Variants in LRRC75B observed in about 807,000 individuals in gnomAD.
LRRC75B encodes leucine-rich repeat-containing protein 75B.
A neutral mutation model predicts 16.5 loss-of-function variants in LRRC75B; 20 were observed. The ratio of observed to expected loss-of-function variants is 1.21; its 90% CI spans 0.85 to 1.76. The LOEUF (loss-of-function observed/expected upper bound fraction) is 1.76. Among genes scored for constraint, LRRC75B ranks in the 40% most tolerant of loss-of-function variants. LRRC75B has a pLI of 0.00. For missense variants in LRRC75B, 406 were observed against 417.0 expected (o/e 0.97, Z 0.23); for synonymous variants, 199 against 198.1 (o/e 1.00, Z -0.04).
chr22:24,587,360 T>C (rs1049264620), intron 3 of LRRC75B, among the ~76,000 whole-genome samples: 3 of 152,104 alleles, frequency 2.0e-5, no homozygotes, highest in African/African-American at 7.2e-5. Context: ...ACCAACCCTC[T>C]AGGTCTCTCC....
rs1380231150 is a variant in LRRC75B, at chr22:24,592,956, G to A, written c.84C>T (p.Tyr28=). Residue 28 remains tyrosine (Y), a synonymous_variant, in exon 1 of 4, where the codon TAC becomes TAT. Transcript: ENST00000318753. ...CGCGGAGCCACCGCACCCGGCGCTC[G>A]TAGGGCGCGGGCCCGCAGCCGGCCG... ...GAAAGCGPAP[Y]ERRVRWLREI... is the part of the protein sequence containing the mutation. 1.7e-6 allele frequency: 2 copies of A among 1,205,534 alleles called. No homozygotes were observed. Among genetic ancestry groups the A allele is most frequent in the Non-Finnish European group, 2.1e-6 (2 of 968,944 alleles). The allele number at this position is 1,205,534 out of a possible 1,614,324, so 74.7% of individuals were successfully genotyped here.
In LRRC75B at chr22:24,592,899, C is replaced by A; in HGVS notation, c.141G>T (p.Pro47=). ...EIQSTLRERR[P]ERARQLLRLL... ...GGCGCAGCAGCTGCCGGGCGCGCTC[C>A]GGCCGCCGCTCGCGGAGCGTGGACT... Residue 47 remains proline (P), a synonymous_variant, in exon 1 of 4, where the codon CCG becomes CCT. Transcript: ENST00000318753. The A allele has an allele frequency of 7.8e-7, 1 of 1,280,074 alleles. No homozygotes were observed. The allele number at this position is 1,280,074 out of a possible 1,614,324, so 79.3% of individuals were successfully genotyped here.
intron 2 of LRRC75B, chr22:24,588,708 T>C (rs2045478257): frequency 9.3e-7 from 1 of 1,078,044 alleles, no homozygotes; most frequent in South Asian, 3.0e-5. Flanking sequence ...ACCAGGCCCC[T>C]CGAGGGAGCC....
At chr22:24,591,529 GCC>G (rs2045567646) in intron 1 of LRRC75B, among the ~76,000 whole-genome samples, 1 of 152,214 alleles carries the variant, frequency 6.6e-6, no homozygotes, top group Non-Finnish European at 1.5e-5. Context: ...GGCAGGGGAG[GCC>G]GTGGGTCACA....
Position 24,586,166 on chromosome 22 carries a change from GC to G in LRRC75B, c.667del (p.Ala223ProfsTer45), listed in dbSNP as rs2045386233. 6.2e-7 allele frequency: 1 copy of G among 1,613,360 alleles called. No homozygotes were observed. Among genetic ancestry groups the G allele is most frequent in the South Asian group, 1.1e-5 (1 of 91,094 alleles). On this transcript the variant is annotated frameshift_variant, in exon 4 of 4. Coordinates refer to ENST00000318753, the MANE Select transcript of LRRC75B (RefSeq NM_207644.3). LOFTEE classifies it low-confidence loss of function (END_TRUNC). The stretch of plus-strand genomic sequence containing the variant: ...GGCATCAGTGAGCTTGCGGGCAGTG[GC>G]CCGCGTCAGTCGGTTGCCGTTGAGC... ...LLLNGNRLTR[A>X]TARKLTDAIK...
At position 24,592,818 on chromosome 22, in the gene LRRC75B, C is replaced by A. The variant is rs2045612986; in HGVS notation, c.177+45G>T. The A allele has an allele frequency of 4.8e-6, 6 of 1,262,466 alleles. No homozygotes were observed. The South Asian group carries it at 1.4e-4, about 29-fold the overall frequency. The allele number at this position is 1,262,466 out of a possible 1,614,324, so 78.2% of individuals were successfully genotyped here. A position where few individuals can be genotyped will look rare whatever the true frequency, so the allele number is the denominator to read the frequency against. On this transcript the variant is annotated intron_variant, in intron 1 of 3. Transcript: ENST00000318753. ...CCTCCCAGACCCCCAGACCCCCAGA[C>A]CCTCCCTGGCCGCCAGCCCAGGGGC...
intron 2 of LRRC75B, chr22:24,588,871 T>G: frequency 9.9e-7 from 1 of 1,005,890 alleles, no homozygotes; most frequent in Non-Finnish European, 1.2e-6. Flanking sequence ...ACCACCTGGC[T>G]CTCTCTCAGT....
At chr22:24,588,699 C>T (rs1484344013) in intron 2 of LRRC75B, 7 of 1,090,328 alleles carry the variant, frequency 6.4e-6, no homozygotes, top group Non-Finnish European at 7.9e-6. Context: ...GGAGGCCAGA[C>T]CAGGCCCCTC....
Position 24,586,170 on chromosome 22 carries a change from G to A in LRRC75B, c.664C>T (p.Arg222Trp), listed in dbSNP as rs749128361. The change falls in exon 4 of 4, where the codon CGG (arginine) becomes TGG (tryptophan). Residue 222 changes from arginine (R) to tryptophan (W), a missense_variant. Physicochemically the swap from Arg to Trp is moderately radical, Grantham distance 101. Transcript: ENST00000318753. Reference sequence around the variant, plus strand: ...TCAGTGAGCTTGCGGGCAGTGGCCCGCGTCAGTCGGTTGCCGTTGAGCAGG... The same window carrying A: ...TCAGTGAGCTTGCGGGCAGTGGCCCACGTCAGTCGGTTGCCGTTGAGCAGG... ...QLLLNGNRLT[R>W]ATARKLTDAI... is the part of the protein sequence containing the mutation. 17 of 1,613,478 alleles carry A rather than the reference G, an allele frequency of 1.1e-5. No homozygotes were observed. The Admixed American group carries it at 1.5e-4, about 14-fold the overall frequency.
In LRRC75B at chr22:24,586,350, G is replaced by T. The variant is rs1219974000; in HGVS notation, c.484C>A (p.Pro162Thr). ...TGTTGCACGTCCTGTGTCGACAGCG[G>T]GATGCCTGAGAGGTCCACAGTCTCC... is the stretch of plus-strand genomic sequence containing the variant. ...AGETVDLSGI[P>T]LSTQDVQHIT... Residue 162 changes from proline (P) to threonine (T), a missense_variant, in exon 4 of 4, where the codon CCG (proline) becomes ACG (threonine). By Grantham distance (38) the Pro-to-Thr change is conservative. Transcript: ENST00000318753. 6.2e-7 allele frequency: 1 copy of T among 1,613,908 alleles called. No individual in the cohort carries two copies. Among genetic ancestry groups the T allele is most frequent in the Non-Finnish European group, 8.5e-7 (1 of 1,180,036 alleles).
intron 3 of LRRC75B, among the ~76,000 whole-genome samples, chr22:24,587,921 G>T (rs938912854): frequency 6.6e-6 from 1 of 152,174 alleles, no homozygotes; most frequent in Admixed American, 6.5e-5. Context: ...GGGTGGAGGG[G>T]TGGGGTGTCC....
At chr22:24,586,542 A>C in intron 3 of LRRC75B, 131 bp from the exon 4 acceptor site, 1 of 1,033,778 alleles carries the variant, frequency 9.7e-7, no homozygotes. Flanking sequence ...TGTCTTTCGT[A>C]TTTTTTGAGA....
At chr22:24,588,090 G>T in intron 3 of LRRC75B, 124 bp downstream of exon 3, 1 of 739,050 alleles carries the variant, frequency 1.4e-6, no homozygotes, top group Non-Finnish European at 2.3e-6. Flanking sequence ...GCCCTCATGC[G>T]GACCAGGTGA....
At chr22:24,592,753 G>C in intron 1 of LRRC75B, 110 bp downstream of exon 1, 4 of 1,277,544 alleles carry the variant, frequency 3.1e-6, no homozygotes, top group Non-Finnish European at 4.0e-6. Context: ...GCTCCGCCTC[G>C]CCTCCCGGCG....
chr22:24,589,380 T>C, intron 2 of LRRC75B: 1 of 1,115,860 alleles, frequency 9.0e-7, no homozygotes, highest in Non-Finnish European at 1.1e-6. Context: ...AGGGTGTCTG[T>C]ACAGGATGGA....
At chr22:24,589,127 G>T in intron 2 of LRRC75B, 2 of 1,128,102 alleles carry the variant, frequency 1.8e-6, no homozygotes, top group Non-Finnish European at 2.2e-6. Flanking sequence ...GGCCCAGAGC[G>T]GATACCCTGG....
In LRRC75B at chr22:24,592,914, G is replaced by C; in HGVS notation, c.126C>G (p.Leu42=). The C allele has an allele frequency of 7.8e-7, 1 of 1,277,222 alleles. No homozygotes were observed. The highest frequency in any genetic ancestry group is 9.9e-7 in the Non-Finnish European group (1 of 1,010,982). 79.1% of individuals were successfully genotyped at this position (1,277,222 alleles called of 1,614,324 possible). The change falls in exon 1 of 4, where the codon CTC becomes CTG. Residue 42 remains leucine, a synonymous_variant. Transcript: ENST00000318753. ...VRWLREIQST[L]RERRPERARQ... ...GGGCGCGCTCCGGCCGCCGCTCGCG[G>C]AGCGTGGACTGGATCTCGCGGAGCC...
intron 2 of LRRC75B, chr22:24,589,286 G>A: frequency 8.1e-7 from 1 of 1,238,052 alleles, no homozygotes; most frequent in Admixed American, 3.1e-5. Flanking sequence ...GAGGCTGCAG[G>A]TGGCAAACTC....
intron 2 of LRRC75B, chr22:24,589,368 C>G (rs1329987928): frequency 1.8e-6 from 2 of 1,127,818 alleles, no homozygotes; most frequent in Non-Finnish European, 2.2e-6. Flanking sequence ...CACCCGTCCG[C>G]AAGGGTGTCT....
Sources: allele counts gnomAD v4.1 joint callset (sites outside exome capture counted in the v4.1 genomes callset), GRCh38; gene constraint gnomAD v4.1.1; transcripts MANE v1.5; gene names NCBI Gene and HGNC (gene_info 2026-07-23, HGNC 2026-07-21).